DOCK3: variants seen among roughly 807,000 people sequenced by gnomAD.
DOCK3 encodes the protein dedicator of cytokinesis protein 3.
DOCK3 carries 60 observed loss-of-function variants against 265.6 expected under a neutral mutation model. That is an observed-to-expected ratio of 0.23 (90% CI 0.18 to 0.28). DOCK3 has a LOEUF of 0.28. Ranked by LOEUF, DOCK3 falls within the 10% of genes least tolerant of loss-of-function variation. DOCK3 has a pLI of 1.00. For synonymous variants in DOCK3, 881 were observed against 938.0 expected (o/e 0.94, Z 1.11); for missense variants, 1,981 against 2,594.3 (o/e 0.76, Z 5.14).
chr3:51,225,661 A>G lies in DOCK3; in HGVS notation c.1265A>G (p.Asn422Ser), dbSNP rs1191622136. Residue 422 changes from asparagine (N) to serine (S), a missense_variant, in exon 15 of 53, where the codon AAT becomes AGT. Coordinates refer to ENST00000266037, the MANE Select transcript of DOCK3 (RefSeq NM_004947.5). ...TCTTTCCCCGCAGGTGATATCCGCA[A>G]TGACCTGTACCTAACCCTGGAGAAG... is the stretch of plus-strand genomic sequence containing the variant. ...PDVIMPGDIR[N>S]DLYLTLEKGD... 5 of 1,612,372 alleles carry G rather than the reference A, an allele frequency of 3.1e-6. No individual in the cohort carries two copies. The highest frequency in any genetic ancestry group is 4.2e-6 in the Non-Finnish European group (5 of 1,179,236).
intron 3 of DOCK3, among the ~76,000 whole-genome samples, chr3:50,874,163 G>A (rs559979326): frequency 6.7e-6 from 1 of 149,594 alleles, no homozygotes; most frequent in East Asian, 2.0e-4. Context: ...CCTGTCATTG[G>A]TATTTTGATA....
At chr3:51,237,692 T>A in intron 21 of DOCK3, 102 bp downstream of exon 21, 2 of 963,948 alleles carry the variant, frequency 2.1e-6, no homozygotes, top group Non-Finnish European at 3.1e-6. Context: ...TCAGCTGACT[T>A]TTTAAAAATT....
rs1160046667 is a variant in DOCK3, at chr3:51,269,137, C to CTA, written c.2356-1666_2356-1665dup. ...TCTCACTGTCTCTCTCTCTCTCTCTCTATATATATATATTTATTTATACGT... is the reference window on the plus strand; with the variant it reads ...TCTCACTGTCTCTCTCTCTCTCTCTCTATATATATATATATTTATTTATACGT... On this transcript the variant is annotated intron_variant, in intron 23 of 52. Transcript: ENST00000266037. Among the ~76,000 whole-genome samples, 97 of 141,580 alleles carry CTA rather than the reference C, an allele frequency of 6.9e-4. 1 individual carries two copies. In the Middle Eastern group the frequency reaches 0.015, roughly 21 times the overall value. The allele number at this position is 141,580 out of a possible 152,430, so 92.9% of individuals were successfully genotyped here.
chr3:51,333,151 C>A lies in DOCK3; in HGVS notation c.3516-7C>A. On this transcript the variant is annotated splice_polypyrimidine_tract_variant and splice_region_variant and intron_variant, in intron 34 of 52. Transcript: ENST00000266037. ...TGTGTTTGCTTTCTCCACCCCTCCA[C>A]CAATAGCCTGCTGGAGAAGGTTGAA... 1.2e-6 allele frequency: 2 copies of A among 1,613,984 alleles called. No homozygotes were observed.
intron 37 of DOCK3, among the ~76,000 whole-genome samples, chr3:51,340,170 C>T (rs778629599): frequency 6.6e-5 from 10 of 152,244 alleles, no homozygotes; most frequent in East Asian, 3.9e-4. Context: ...TCCTAGGAAA[C>T]GGGGCCATGA....
chr3:51,081,091 TGC>T (rs2082221204), intron 7 of DOCK3, among the ~76,000 whole-genome samples: 3 of 152,156 alleles, frequency 2.0e-5, no homozygotes, highest in African/African-American at 7.2e-5. Flanking sequence ...ATTGCTAATA[TGC>T]ACATGGATAT....
At chr3:51,334,660 A>G (rs888703036) in intron 35 of DOCK3, among the ~76,000 whole-genome samples, 1 of 152,166 alleles carries the variant, frequency 6.6e-6, no homozygotes, top group African/African-American at 2.4e-5. Flanking sequence ...TTCTTTGTTC[A>G]CACCAGGTCC....
intron 1 of DOCK3, among the ~76,000 whole-genome samples, chr3:50,777,017 A>G (rs1281166017): frequency 6.6e-6 from 1 of 152,192 alleles, no homozygotes; most frequent in Non-Finnish European, 1.5e-5. Context: ...CAAGCGAAAC[A>G]GGTTTCCCCT....
chr3:50,913,329 AG>A (rs1307596003), intron 4 of DOCK3, among the ~76,000 whole-genome samples: 1 of 152,000 alleles, frequency 6.6e-6, no homozygotes, highest in Non-Finnish European at 1.5e-5. Flanking sequence ...GCTGTTATCC[AG>A]TATGCAAAAC....
chr3:51,244,772 T>G (rs147215501), intron 21 of DOCK3, among the ~76,000 whole-genome samples: 209 of 152,334 alleles, frequency 1.4e-3, no homozygotes, highest in African/African-American at 4.8e-3. Context: ...TTAGAGGAAA[T>G]GCTTTCAGTC....
chr3:51,175,509 GA>G (rs949393635), intron 12 of DOCK3, among the ~76,000 whole-genome samples: 9 of 152,154 alleles, frequency 5.9e-5, no homozygotes, highest in Non-Finnish European at 1.0e-4. Flanking sequence ...CTGTGGCTGG[GA>G]AAAGCTGGAG....
chr3:50,889,922 G>A, intron 3 of DOCK3, 104 bp from the exon 4 acceptor site: 1 of 879,596 alleles, frequency 1.1e-6, no homozygotes, highest in Non-Finnish European at 1.6e-6. Flanking sequence ...TGTAGCAGGA[G>A]ATCTACTATG....
intron 7 of DOCK3, among the ~76,000 whole-genome samples, chr3:51,084,011 T>C (rs1280511450): frequency 6.6e-6 from 1 of 150,712 alleles, no homozygotes; most frequent in Non-Finnish European, 1.5e-5. Flanking sequence ...AATAAAAGAG[T>C]TTCTGAATCT....
intron 1 of DOCK3, among the ~76,000 whole-genome samples, chr3:50,764,352 A>G (rs1295404772): frequency 1.3e-5 from 2 of 152,232 alleles, no homozygotes. Context: ...TAACAATACC[A>G]TGATAAAAAA....
chr3:51,111,328 A>G (rs1395549236), intron 9 of DOCK3, among the ~76,000 whole-genome samples: 1 of 151,946 alleles, frequency 6.6e-6, no homozygotes, highest in Non-Finnish European at 1.5e-5. Context: ...TAACTTTAAA[A>G]TATACTACAA....
intron 10 of DOCK3, among the ~76,000 whole-genome samples, chr3:51,150,934 G>T (rs1311322228): frequency 6.6e-6 from 1 of 152,090 alleles, no homozygotes. Flanking sequence ...GTTGACAGTG[G>T]GGTGTTAAAG....
intron 32 of DOCK3, 44 bp downstream of exon 32, chr3:51,315,172 C>T: frequency 1.3e-6 from 2 of 1,528,442 alleles, no homozygotes; most frequent in African/African-American, 1.4e-5. Flanking sequence ...GGAATGGATC[C>T]CTTCTGCTTA....
chr3:50,957,661 A>C (rs1276458254), intron 5 of DOCK3, among the ~76,000 whole-genome samples: 1 of 152,240 alleles, frequency 6.6e-6, no homozygotes, highest in Non-Finnish European at 1.5e-5. Flanking sequence ...CTGTTTACTA[A>C]ATCTATGACA....
At position 50,675,245 on chromosome 3, in the gene DOCK3, G is replaced by C; in HGVS notation, c.-19G>C. 2.5e-6 allele frequency: 3 copies of C among 1,187,674 alleles called. No individual in the cohort carries two copies. Among genetic ancestry groups the C allele is most frequent in the Non-Finnish European group, 3.2e-6 (3 of 951,074 alleles). The allele number at this position is 1,187,674 out of a possible 1,614,324, so 73.6% of individuals were successfully genotyped here. On this transcript the variant is annotated 5_prime_UTR_variant, in exon 1 of 53. Transcript: ENST00000266037. This position sits in a 1 kb window ranked among gnomAD's most constrained non-coding sequence, Gnocchi z 6.1. ...TGTCGCCCGGTCGCCGCGCCCGCGG[G>C]GCCGCGCCCGGCACGGCCATGTGGA... is the stretch of plus-strand genomic sequence containing the variant.
Sources: allele counts gnomAD v4.1 joint callset (sites outside exome capture counted in the v4.1 genomes callset), GRCh38; gene constraint gnomAD v4.1.1; non-coding constraint Gnocchi (gnomAD v3.1); transcripts MANE v1.5; gene names NCBI Gene and HGNC (gene_info 2026-07-23, HGNC 2026-07-21).